Variants in ZFHX3 observed in about 807,000 individuals in gnomAD.
The protein encoded by ZFHX3 is zinc finger homeobox 3, also known as zinc finger homeobox protein 3.
ZFHX3 carries 42 observed loss-of-function variants against 279.1 expected under a neutral mutation model. That is an observed-to-expected ratio of 0.15 (90% CI 0.12 to 0.19). The LOEUF is 0.19. Ranked by LOEUF, ZFHX3 falls within the 10% of genes least tolerant of loss-of-function variation. The pLI, the probability that ZFHX3 is intolerant of heterozygous loss-of-function variation, is 1.00. For synonymous variants in ZFHX3, 2,293 were observed against 1,957.8 expected, an observed-to-expected ratio of 1.17 and a Z score of -4.52; for missense variants, 4,981 against 4,754.0, an observed-to-expected ratio of 1.05 and a Z score of -1.40.
chr16:73,351,392 C>T (rs552156445), intron 3 of ZFHX3, among the ~76,000 whole-genome samples: 31 of 152,316 alleles, frequency 2.0e-4, no homozygotes, highest in African/African-American at 6.0e-4. Context: ...TGGTCCCTAA[C>T]GTAATTATCC....
intron 1 of ZFHX3, among the ~76,000 whole-genome samples, chr16:73,772,968 TG>T (rs1453303937): frequency 6.6e-6 from 1 of 152,218 alleles, no homozygotes; most frequent in Non-Finnish European, 1.5e-5. Flanking sequence ...CATTTGTTTT[TG>T]GTCTCAGCTC....
intron 3 of ZFHX3, among the ~76,000 whole-genome samples, chr16:73,434,036 C>A (rs974942626): frequency 6.6e-6 from 1 of 152,188 alleles, no homozygotes. Context: ...TGGCTCTGAC[C>A]TCCCTTGACC....
chr16:73,167,720 A>C (rs1023213930), intron 5 of ZFHX3, among the ~76,000 whole-genome samples: 2 of 152,250 alleles, frequency 1.3e-5, no homozygotes, highest in Non-Finnish European at 2.9e-5. Flanking sequence ...CAGAGATTCA[A>C]GAGAAGAATA....
chr16:73,631,036 T>TG (rs11410091), intron 2 of ZFHX3, among the ~76,000 whole-genome samples: 146,483 of 152,298 alleles, frequency 0.96, 70,500 homozygotes, highest in East Asian at 1. Context: ...TCCCTGAGAA[T>TG]TTTCAACTTG....
At chr16:73,581,656 T>A (rs963493528) in intron 2 of ZFHX3, among the ~76,000 whole-genome samples, 2 of 144,660 alleles carry the variant, frequency 1.4e-5, no homozygotes, top group Non-Finnish European at 1.5e-5. Context: ...ACTTCGAATG[T>A]CTCTTTTTTT....
intron 2 of ZFHX3, among the ~76,000 whole-genome samples, chr16:73,585,600 TAAAAC>T (rs2051917910): frequency 6.6e-6 from 1 of 151,858 alleles, no homozygotes; most frequent in South Asian, 2.1e-4. Context: ...TCCCAGAACT[TAAAAC>T]AAAAACAAAA....
At chr16:73,022,177 T>C (rs943164363) in intron 1 of ZFHX3, among the ~76,000 whole-genome samples, 1 of 152,132 alleles carries the variant, frequency 6.6e-6, no homozygotes, top group Non-Finnish European at 1.5e-5. Context: ...CTCTCTTTTT[T>C]TGCCCCCATT....
intron 3 of ZFHX3, among the ~76,000 whole-genome samples, chr16:72,939,928 C>T (rs1960327569): frequency 1.3e-5 from 2 of 152,142 alleles, no homozygotes; most frequent in South Asian, 4.1e-4. Flanking sequence ...ATAAGCACCA[C>T]CACACCCTGA....
At chr16:73,660,410 T>C (rs1000783179) in intron 2 of ZFHX3, among the ~76,000 whole-genome samples, 1 of 152,212 alleles carries the variant, frequency 6.6e-6, no homozygotes. Flanking sequence ...AGAAAAATAT[T>C]TGTGCTGCCT....
chr16:73,432,851 G>A (rs1220328327), intron 3 of ZFHX3, among the ~76,000 whole-genome samples: 1 of 152,132 alleles, frequency 6.6e-6, no homozygotes, highest in Non-Finnish European at 1.5e-5. Flanking sequence ...TTTTATTGAA[G>A]TCATTTCAAG....
chr16:72,922,045 GC>G (rs2039599744), intron 3 of ZFHX3, among the ~76,000 whole-genome samples: 1 of 152,166 alleles, frequency 6.6e-6, no homozygotes, highest in Admixed American at 6.5e-5. Context: ...TTCCTTCTCA[GC>G]CCTGCAGCAC....
chr16:73,183,073 T>C (rs982505506), intron 5 of ZFHX3, among the ~76,000 whole-genome samples: 1 of 151,910 alleles, frequency 6.6e-6, no homozygotes, highest in African/African-American at 2.4e-5. Flanking sequence ...GGTGTGGTGG[T>C]GGGCGCCTGT....
chr16:73,055,618 G>A (rs949391053), intron 1 of ZFHX3, among the ~76,000 whole-genome samples: 1 of 151,926 alleles, frequency 6.6e-6, no homozygotes. Context: ...TAGGGGTGGG[G>A]GAAGTAAGTG....
At chr16:72,917,606 C>T (rs1230397379) in intron 3 of ZFHX3, among the ~76,000 whole-genome samples, 1 of 152,136 alleles carries the variant, frequency 6.6e-6, no homozygotes, top group Non-Finnish European at 1.5e-5. Context: ...CAAAAAAGGT[C>T]ACACATTGTA....
At chr16:73,831,817 A>AG (rs1315980323) in intron 1 of ZFHX3, among the ~76,000 whole-genome samples, 1 of 152,244 alleles carries the variant, frequency 6.6e-6, no homozygotes, top group Non-Finnish European at 1.5e-5. Flanking sequence ...GCCGTCCTTC[A>AG]GGGACAGGGA....
chr16:73,531,790 G>C (rs1044547222), intron 2 of ZFHX3, among the ~76,000 whole-genome samples: 2 of 149,224 alleles, frequency 1.3e-5, no homozygotes, highest in African/African-American at 5.0e-5. Flanking sequence ...CCTACTGATA[G>C]AATATTGTTA....
chr16:73,867,058 G>A (rs6564665), intron 1 of ZFHX3, among the ~76,000 whole-genome samples: 30,027 of 151,742 alleles, frequency 0.2, 5,486 homozygotes, highest in African/African-American at 0.48. Flanking sequence ...CCCATAGACT[G>A]AGAAACAGAG....
intron 5 of ZFHX3, among the ~76,000 whole-genome samples, chr16:73,216,669 G>A (rs544181399): frequency 2.0e-5 from 3 of 152,136 alleles, no homozygotes; most frequent in South Asian, 2.1e-4. Flanking sequence ...AGGCTGAGGC[G>A]AGAGAATGGC....
intron 1 of ZFHX3, among the ~76,000 whole-genome samples, chr16:73,758,833 G>A (rs1243591894): frequency 1.3e-5 from 2 of 152,174 alleles, no homozygotes; most frequent in East Asian, 1.9e-4. Flanking sequence ...AGTTCTATAG[G>A]AATGCAGACC....
Sources: gnomAD v4.1 joint callset for allele counts (sites outside exome capture counted in the v4.1 genomes callset) on GRCh38, gnomAD v4.1.1 for gene constraint, MANE v1.5 for transcripts, NCBI Gene and HGNC (gene_info 2026-07-23, HGNC 2026-07-21) for gene names.